NTAQ1: variants seen among roughly 807,000 people sequenced by gnomAD.
The protein encoded by NTAQ1 is protein N-terminal glutamine amidohydrolase.
NTAQ1 carries 21 observed loss-of-function variants against 28.2 expected under a neutral mutation model. That is an observed-to-expected ratio of 0.74 (90% CI 0.53 to 1.07). The LOEUF is 1.07. Ranked by LOEUF, NTAQ1 falls within the 50% of genes least tolerant of loss-of-function variation. The pLI is 0.00. For synonymous variants in NTAQ1, 105 were observed against 90.0 expected (o/e 1.17, Z -0.94); for missense variants, 264 against 256.6 (o/e 1.03, Z -0.20).
intron 6 of NTAQ1, among the ~76,000 whole-genome samples, chr8:123,465,574 C>CTTTTTTTTTTTT (rs71310691): frequency 1.3e-5 from 1 of 78,560 alleles, no homozygotes. Context: ...AGCATAACAT[C>CTTTTTTTTTTTT]TTTTTTTTTT....
At chr8:123,456,168 C>T (rs986906236) in intron 6 of NTAQ1, among the ~76,000 whole-genome samples, 4 of 152,172 alleles carry the variant, frequency 2.6e-5, no homozygotes, top group Admixed American at 2.0e-4. Context: ...CATTGCATTG[C>T]AGAGGTTCCT....
chr8:123,428,405 C>T (rs1337077005), intron 2 of NTAQ1, among the ~76,000 whole-genome samples: 1 of 152,066 alleles, frequency 6.6e-6, no homozygotes, highest in Non-Finnish European at 1.5e-5. Flanking sequence ...GCTATGTTGG[C>T]CAGGCTGGTC....
intron 6 of NTAQ1, among the ~76,000 whole-genome samples, chr8:123,462,212 A>T (rs1421517340): frequency 1.3e-5 from 2 of 151,756 alleles, no homozygotes; most frequent in African/African-American, 2.4e-5. Context: ...CGCCTGGCTA[A>T]TTTTTTTGTA....
At chr8:123,422,670 T>C (rs868063595) in intron 1 of NTAQ1, among the ~76,000 whole-genome samples, 1 of 151,904 alleles carries the variant, frequency 6.6e-6, no homozygotes, top group Non-Finnish European at 1.5e-5. Context: ...TGTCAATTTT[T>C]GTTTTTGTTG....
At chr8:123,419,546 G>C (rs947232507) in intron 1 of NTAQ1, among the ~76,000 whole-genome samples, 9 of 152,196 alleles carry the variant, frequency 5.9e-5, no homozygotes. Context: ...TGTGTCGTCA[G>C]CAGAGCATTT....
At chr8:123,452,533 G>T (rs981596781), downstream of NTAQ1, among the ~76,000 whole-genome samples, 2 of 150,946 alleles carry the variant, frequency 1.3e-5, no homozygotes, top group Non-Finnish European at 3.0e-5. Flanking sequence ...GGAGGCAGAG[G>T]TTGCAGTGAG....
chr8:123,455,928 A>G (rs1490999013), intron 6 of NTAQ1, among the ~76,000 whole-genome samples: 4 of 152,196 alleles, frequency 2.6e-5, no homozygotes, highest in South Asian at 2.1e-4. Flanking sequence ...AAGTGGCAAG[A>G]GAGGTCAGGA....
intron 5 of NTAQ1, among the ~76,000 whole-genome samples, chr8:123,437,888 G>C (rs1351656139): frequency 6.6e-6 from 1 of 152,142 alleles, no homozygotes; most frequent in Non-Finnish European, 1.5e-5. Flanking sequence ...CCTGCAAACT[G>C]CTGGATTATT....
intron 6 of NTAQ1, among the ~76,000 whole-genome samples, chr8:123,466,102 G>A (rs1815955014): frequency 6.6e-6 from 1 of 152,108 alleles, no homozygotes; most frequent in South Asian, 2.1e-4. Context: ...AGGGGCTGAG[G>A]GCAATAGCAG....
chr8:123,416,967 A>G (rs1813335378), intron 1 of NTAQ1, 35 bp downstream of exon 1: 1 of 1,415,798 alleles, frequency 7.1e-7, no homozygotes, highest in Non-Finnish European at 9.3e-7. Flanking sequence ...TGGGTCTCCC[A>G]GGCTCCCGGG....
At chr8:123,446,278 T>G (rs982009730), downstream of NTAQ1, among the ~76,000 whole-genome samples, 1 of 152,208 alleles carries the variant, frequency 6.6e-6, no homozygotes, top group Non-Finnish European at 1.5e-5. Flanking sequence ...AGTGCTGGGA[T>G]TACAGGCATC....
intron 6 of NTAQ1, among the ~76,000 whole-genome samples, chr8:123,462,468 C>T (rs1032731789): frequency 6.6e-6 from 1 of 152,162 alleles, no homozygotes; most frequent in Non-Finnish European, 1.5e-5. Context: ...TTTTGAAGTA[C>T]ACAAGGCACT....
At chr8:123,445,662 G>C (rs1053658420), downstream of NTAQ1, among the ~76,000 whole-genome samples, 1 of 152,182 alleles carries the variant, frequency 6.6e-6, no homozygotes, top group African/African-American at 2.4e-5. Context: ...TTGGAGTGCA[G>C]TGTTGTGATC....
At chr8:123,452,722 A>G (rs1815538905), downstream of NTAQ1, among the ~76,000 whole-genome samples, 1 of 148,942 alleles carries the variant, frequency 6.7e-6, no homozygotes, top group African/African-American at 2.5e-5. Context: ...ACCAACATGG[A>G]GAAACCCCGT....
At chr8:123,443,273 G>A (rs1449823993), downstream of NTAQ1, among the ~76,000 whole-genome samples, 2 of 151,794 alleles carry the variant, frequency 1.3e-5, no homozygotes, top group Admixed American at 6.6e-5. Context: ...GCCTGGCTCC[G>A]CCTCCCAATG....
chr8:123,455,291 A>G (rs541228802), intron 6 of NTAQ1, among the ~76,000 whole-genome samples: 7 of 152,282 alleles, frequency 4.6e-5, no homozygotes, highest in Non-Finnish European at 7.4e-5. Context: ...CTACAGTATA[A>G]ACATGGGCAC....
At chr8:123,473,348 T>C (rs146326202), downstream of NTAQ1, among the ~76,000 whole-genome samples, 3,892 of 150,946 alleles carry the variant, frequency 0.026, 78 homozygotes, top group Non-Finnish European at 0.044. Flanking sequence ...TAGGCTGGAG[T>C]GCAGTGGCGC....
At chr8:123,463,204 A>G (rs2130431360) in intron 6 of NTAQ1, among the ~76,000 whole-genome samples, 1 of 152,346 alleles carries the variant, frequency 6.6e-6, no homozygotes, top group South Asian at 2.1e-4. Flanking sequence ...TTTCCTAAGA[A>G]AGATATTCTT....
intron 5 of NTAQ1, among the ~76,000 whole-genome samples, chr8:123,438,563 G>A (rs1345081061): frequency 6.6e-6 from 1 of 151,886 alleles, no homozygotes; most frequent in African/African-American, 2.4e-5. Flanking sequence ...GACTGAGACA[G>A]GAGAATTACT....
Sources: allele counts gnomAD v4.1 joint callset (sites outside exome capture counted in the v4.1 genomes callset), GRCh38; gene constraint gnomAD v4.1.1; transcripts MANE v1.5; gene names NCBI Gene and HGNC (gene_info 2026-07-23, HGNC 2026-07-21).